The following NLGN1 variants were observed in gnomAD, a reference collection of about 807,000 sequenced individuals.
The protein encoded by NLGN1 is neuroligin 1, also known as neuroligin-1.
NLGN1 carries 12 observed loss-of-function variants against 65.5 expected under a neutral mutation model. The observed-to-expected ratio is 0.18, with a 90% CI of 0.12 to 0.30. NLGN1 has a LOEUF of 0.30. NLGN1 is among the 10% of genes least tolerant of loss of function. The pLI is 1.00. For missense variants in NLGN1, 750 were observed against 1,007.1 expected (o/e 0.74, Z 3.46); for synonymous variants, 350 against 359.5 (o/e 0.97, Z 0.30).
exon 7 of NLGN1, chr3:174,281,796 C>T (rs1751570764): frequency 6.5e-6 from 1 of 153,124 alleles, no homozygotes; most frequent in African/African-American, 2.4e-5. Flanking sequence ...TTAGCAAAGG[C>T]TCATGCTGAA....
intron 4 of NLGN1, among the ~76,000 whole-genome samples, chr3:174,223,721 G>T (rs1019672025): frequency 4.6e-5 from 7 of 152,118 alleles, no homozygotes; most frequent in African/African-American, 2.4e-5. Flanking sequence ...ATCGCCTGCT[G>T]CTCACAGAAA....
intron 4 of NLGN1, among the ~76,000 whole-genome samples, chr3:174,136,059 GTGGAGGGCTT>G (rs1721153539): frequency 1.3e-5 from 2 of 152,042 alleles, no homozygotes; most frequent in African/African-American, 2.4e-5. Flanking sequence ...ATGCATGCTT[GTGGAGGGCTT>G]TGATCTTTGC....
At chr3:173,443,694 C>T (rs547314170) in intron 2 of NLGN1, among the ~76,000 whole-genome samples, 4 of 152,190 alleles carry the variant, frequency 2.6e-5, no homozygotes, top group South Asian at 2.1e-4. Context: ...GTAAACATTA[C>T]GCTTAAGGTG....
intron 4 of NLGN1, among the ~76,000 whole-genome samples, chr3:173,869,072 C>A (rs1414251543): frequency 6.6e-6 from 1 of 152,072 alleles, no homozygotes; most frequent in Admixed American, 6.6e-5. Flanking sequence ...AAATGATATT[C>A]CATACTTTTA....
chr3:174,120,855 C>T (rs1195133496), intron 4 of NLGN1, among the ~76,000 whole-genome samples: 1 of 152,156 alleles, frequency 6.6e-6, no homozygotes, highest in East Asian at 1.9e-4. Flanking sequence ...GGAACTCAAA[C>T]ATAATTGACT....
chr3:173,403,538 A>G (rs1046546304), intron 1 of NLGN1, among the ~76,000 whole-genome samples: 1 of 152,138 alleles, frequency 6.6e-6, no homozygotes, highest in African/African-American at 2.4e-5. Flanking sequence ...GAGGGGCTCA[A>G]GGGAGGGATC....
intron 4 of NLGN1, among the ~76,000 whole-genome samples, chr3:174,241,773 GCTCCC>G (rs1293894080): frequency 2.0e-5 from 3 of 151,568 alleles, no homozygotes; most frequent in Admixed American, 1.3e-4. Context: ...CCTGCCTCAG[GCTCCC>G]CTCCCGAGCA....
chr3:173,832,036 C>T (rs2150600771), intron 4 of NLGN1, among the ~76,000 whole-genome samples: 1 of 151,874 alleles, frequency 6.6e-6, no homozygotes, highest in African/African-American at 2.4e-5. Flanking sequence ...TGGCTTACTG[C>T]AGCCTCAACC....
chr3:173,451,582 A>C (rs1721535096), intron 2 of NLGN1, among the ~76,000 whole-genome samples: 1 of 152,108 alleles, frequency 6.6e-6, no homozygotes, highest in African/African-American at 2.4e-5. Flanking sequence ...TACTCTCTTC[A>C]AAGCTGTCAG....
At chr3:173,428,896 T>C (rs962331434) in intron 1 of NLGN1, among the ~76,000 whole-genome samples, 1 of 152,114 alleles carries the variant, frequency 6.6e-6, no homozygotes, top group Non-Finnish European at 1.5e-5. Context: ...CCTTTATATG[T>C]TGTTTCTTTT....
At chr3:173,761,369 T>A (rs1047631949) in intron 3 of NLGN1, among the ~76,000 whole-genome samples, 3 of 151,784 alleles carry the variant, frequency 2.0e-5, no homozygotes, top group African/African-American at 7.3e-5. Flanking sequence ...AGAAGAAAGG[T>A]TGATTAGATA....
At chr3:173,643,820 C>T (rs913853108) in intron 3 of NLGN1, among the ~76,000 whole-genome samples, 1 of 152,188 alleles carries the variant, frequency 6.6e-6, no homozygotes, top group African/African-American at 2.4e-5. Context: ...GTGATCCTGC[C>T]ACTTCAGCTT....
At chr3:173,892,527 G>T (rs867716197) in intron 4 of NLGN1, among the ~76,000 whole-genome samples, 1 of 149,614 alleles carries the variant, frequency 6.7e-6, no homozygotes, top group African/African-American at 2.5e-5. Flanking sequence ...CTTCTTGCAG[G>T]CTAATATGTG....
At chr3:173,710,170 A>C (rs1048547218) in intron 3 of NLGN1, among the ~76,000 whole-genome samples, 2 of 152,186 alleles carry the variant, frequency 1.3e-5, no homozygotes, top group Non-Finnish European at 2.9e-5. Flanking sequence ...TAAGAAAATT[A>C]AAATAAGCAT....
chr3:174,127,893 T>A (rs1324915573), intron 4 of NLGN1, among the ~76,000 whole-genome samples: 3 of 152,156 alleles, frequency 2.0e-5, no homozygotes, highest in Non-Finnish European at 2.9e-5. Context: ...TGAGCCTGGT[T>A]GTCTGAATAT....
chr3:173,774,716 C>T (rs1225663743), intron 3 of NLGN1, among the ~76,000 whole-genome samples: 3 of 152,116 alleles, frequency 2.0e-5, no homozygotes, highest in Non-Finnish European at 4.4e-5. Flanking sequence ...GTCTTCCCAA[C>T]ATTCTTTGTT....
In NLGN1 at chr3:173,584,399, ATTTTTTTTT is replaced by A. The variant is rs66827074; in HGVS notation, c.-320-19855_-320-19847del. ...TTAGGGTAAAACCAGGGTCCTCGGCATTTTTTTTTTTTTTTTTTTTTTTTTTTTTTTTTG... is the reference window on the plus strand; with the variant it reads ...TTAGGGTAAAACCAGGGTCCTCGGCATTTTTTTTTTTTTTTTTTTTTTTTG... On this transcript the variant is annotated intron_variant, in intron 2 of 6. Coordinates refer to ENST00000457714, the Ensembl canonical transcript of NLGN1. Among the ~76,000 whole-genome samples the A allele has an allele frequency of 1.2e-3, 38 of 30,818 alleles. No homozygotes were observed. The South Asian group carries it at 0.013, about 11-fold the overall frequency. The allele number at this position is 30,818 out of a possible 152,430, so 20.2% of individuals were successfully genotyped here.
chr3:173,659,656 A>G (rs1337105019), intron 3 of NLGN1, among the ~76,000 whole-genome samples: 1 of 151,832 alleles, frequency 6.6e-6, no homozygotes, highest in Non-Finnish European at 1.5e-5. Flanking sequence ...AACCATTGTG[A>G]TGCCTTGATC....
At chr3:173,770,825 G>A (rs991094060) in intron 3 of NLGN1, among the ~76,000 whole-genome samples, 27 of 151,972 alleles carry the variant, frequency 1.8e-4, no homozygotes, top group Admixed American at 9.8e-4. Flanking sequence ...CATATAATTC[G>A]CACTCAATAG....
Sources: gnomAD v4.1 joint callset for allele counts (sites outside exome capture counted in the v4.1 genomes callset) on GRCh38, gnomAD v4.1.1 for gene constraint, MANE v1.5 for transcripts, NCBI Gene and HGNC (gene_info 2026-07-23, HGNC 2026-07-21) for gene names.